Variants in PTPRD observed in about 807,000 individuals in gnomAD.
PTPRD encodes protein tyrosine phosphatase receptor type D.
Under a neutral mutation model 214.5 loss-of-function variants are expected in PTPRD, and 34 were observed. That is an observed-to-expected ratio of 0.16 (90% CI 0.12 to 0.21). The LOEUF is 0.21. Ranked by LOEUF, PTPRD falls within the 10% of genes least tolerant of loss-of-function variation. The pLI, the probability that PTPRD is intolerant of heterozygous loss-of-function variation, is 1.00. For missense variants in PTPRD, 2,545 were observed against 2,398.7 expected, an observed-to-expected ratio of 1.06 and a Z score of -1.27; for synonymous variants, 1,128 against 845.7, an observed-to-expected ratio of 1.33 and a Z score of -5.79.
chr9:8,436,922 C>T (rs934060196), intron 34 of PTPRD, among the ~76,000 whole-genome samples: 3 of 152,170 alleles, frequency 2.0e-5, no homozygotes, highest in Admixed American at 6.5e-5. Context: ...CAAACTAACA[C>T]TCCTAGTGTA....
intron 2 of PTPRD, among the ~76,000 whole-genome samples, chr9:10,360,669 T>C (rs568208713): frequency 6.6e-6 from 1 of 152,366 alleles, no homozygotes; most frequent in East Asian, 1.9e-4. Flanking sequence ...ATAAAAATTA[T>C]TGATGACCCC....
At chr9:9,926,186 C>T (rs931255593) in intron 5 of PTPRD, among the ~76,000 whole-genome samples, 2 of 152,088 alleles carry the variant, frequency 1.3e-5, no homozygotes, top group Non-Finnish European at 2.9e-5. Context: ...CTTATACTTA[C>T]CTAATATTTT....
intron 8 of PTPRD, among the ~76,000 whole-genome samples, chr9:9,473,612 C>A (rs1039630238): frequency 2.6e-5 from 4 of 152,060 alleles, no homozygotes; most frequent in African/African-American, 9.7e-5. Flanking sequence ...TAAGAGTTCC[C>A]TTTCCTTCAC....
intron 3 of PTPRD, among the ~76,000 whole-genome samples, chr9:10,291,306 G>C (rs1596300325): frequency 1.3e-5 from 2 of 152,202 alleles, no homozygotes; most frequent in East Asian, 3.9e-4. Context: ...AGAATATGTA[G>C]TAGATGGAAT....
chr9:9,887,237 C>A (rs574411779), intron 5 of PTPRD, among the ~76,000 whole-genome samples: 2 of 152,186 alleles, frequency 1.3e-5, no homozygotes, highest in East Asian at 3.9e-4. Flanking sequence ...ACCGTATTTA[C>A]CTTATTTACC....
chr9:8,653,496 A>G (rs1269498670), intron 12 of PTPRD, among the ~76,000 whole-genome samples: 1 of 152,146 alleles, frequency 6.6e-6, no homozygotes, highest in Non-Finnish European at 1.5e-5. Flanking sequence ...GTGGTCCTGA[A>G]CCCTTTAGTA....
At chr9:9,467,710 C>T (rs562126760) in intron 8 of PTPRD, among the ~76,000 whole-genome samples, 2 of 148,400 alleles carry the variant, frequency 1.3e-5, no homozygotes, top group South Asian at 4.3e-4. Context: ...TTATTTTGTA[C>T]TTCTATAGTT....
chr9:9,463,840 A>G, intron 8 of PTPRD, among the ~76,000 whole-genome samples: 1 of 152,240 alleles, frequency 6.6e-6, no homozygotes. Context: ...GATTTGTCTT[A>G]TCTGAGTTCC....
At chr9:9,039,092 A>G (rs553804001) in intron 10 of PTPRD, among the ~76,000 whole-genome samples, 3 of 152,332 alleles carry the variant, frequency 2.0e-5, no homozygotes, top group South Asian at 4.1e-4. Context: ...GAATTTAAGC[A>G]TAGCTGTATA....
At chr9:8,451,771 T>C in intron 33 of PTPRD, 1 of 378,598 alleles carries the variant, frequency 2.6e-6, no homozygotes, top group Middle Eastern at 3.6e-4. Context: ...TCTTTACTAA[T>C]GTGTCAGGCC....
chr9:9,733,507 G>A (rs928995165), intron 7 of PTPRD, among the ~76,000 whole-genome samples: 7 of 152,110 alleles, frequency 4.6e-5, no homozygotes, highest in Admixed American at 3.3e-4. Context: ...AAACCCACAT[G>A]GAAATGAAAT....
rs146005995 is a variant in PTPRD at position 8,996,756 on chromosome 9, T to C, written c.-104+21941A>G. On this transcript the variant is annotated intron_variant, in intron 11 of 45. Transcript: ENST00000381196. ...CAGTAATTCCTTTAGCCAAACAGGCTGAGCCTCATGGCCTAATCACCTCCC... is the reference window on the plus strand; with the variant it reads ...CAGTAATTCCTTTAGCCAAACAGGCCGAGCCTCATGGCCTAATCACCTCCC... Among the ~76,000 whole-genome samples the C allele has an allele frequency of 7.0e-4, 106 of 152,172 alleles. 1 individual carries two copies. The East Asian group carries it at 0.013, about 19-fold the overall frequency.
At chr9:8,404,091 A>G (rs1182920774) in intron 36 of PTPRD, among the ~76,000 whole-genome samples, 1 of 152,160 alleles carries the variant, frequency 6.6e-6, no homozygotes, top group Non-Finnish European at 1.5e-5. Flanking sequence ...TGAGAAAGAA[A>G]AAGTAGGAAA....
chr9:8,653,672 C>T (rs1445835312), intron 12 of PTPRD, among the ~76,000 whole-genome samples: 6 of 152,164 alleles, frequency 3.9e-5, no homozygotes, highest in Non-Finnish European at 5.9e-5. Context: ...CCACCCTTCA[C>T]TACTCTCCAG....
intron 10 of PTPRD, among the ~76,000 whole-genome samples, chr9:9,080,612 G>C (rs1569532870): frequency 1.3e-5 from 2 of 151,938 alleles, no homozygotes; most frequent in Admixed American, 6.6e-5. Flanking sequence ...TCTGACTCCA[G>C]AGCTTCCCAC....
chr9:9,966,052 C>A (rs1343196829), intron 4 of PTPRD, among the ~76,000 whole-genome samples: 1 of 152,116 alleles, frequency 6.6e-6, no homozygotes, highest in East Asian at 1.9e-4. Flanking sequence ...TGCATAGAAG[C>A]ATGCTGTTTT....
intron 27 of PTPRD, among the ~76,000 whole-genome samples, chr9:8,488,934 T>C (rs545958696): frequency 6.7e-6 from 1 of 150,288 alleles, no homozygotes; most frequent in African/African-American, 2.5e-5. Flanking sequence ...TAAACATATT[T>C]ATTAAAATTT....
At chr9:8,413,434 G>C (rs2093676689) in intron 35 of PTPRD, among the ~76,000 whole-genome samples, 2 of 152,172 alleles carry the variant, frequency 1.3e-5, no homozygotes, top group African/African-American at 4.8e-5. Flanking sequence ...TTTTCTCCCA[G>C]TCTTTGTCGG....
intron 14 of PTPRD, among the ~76,000 whole-genome samples, chr9:8,575,501 C>G (rs1018332124): frequency 2.0e-5 from 3 of 152,102 alleles, no homozygotes; most frequent in Non-Finnish European, 4.4e-5. Flanking sequence ...AAATTACAGG[C>G]TAGTAAGTAT....
Sources: gnomAD v4.1 joint callset for allele counts (sites outside exome capture counted in the v4.1 genomes callset) on GRCh38, gnomAD v4.1.1 for gene constraint, MANE v1.5 for transcripts, NCBI Gene and HGNC (gene_info 2026-07-23, HGNC 2026-07-21) for gene names.